PSMF1: variants seen among roughly 807,000 people sequenced by gnomAD.
PSMF1 encodes the protein proteasome inhibitor PI31 subunit.
PSMF1 carries 30 observed loss-of-function variants against 29.3 expected under a neutral mutation model. The ratio of observed to expected loss-of-function variants is 1.02; its 90% CI spans 0.77 to 1.39. The LOEUF (loss-of-function observed/expected upper bound fraction) is 1.39, where lower values mean the gene tolerates loss of function less well. Among genes scored for constraint, PSMF1 ranks in the 40% most tolerant of loss-of-function variants. The pLI, the probability that PSMF1 is intolerant of heterozygous loss-of-function variation, is 0.00. For synonymous variants in PSMF1, 134 were observed against 139.7 expected (o/e 0.96, Z 0.29); for missense variants, 344 against 357.5 (o/e 0.96, Z 0.31).
intron 4 of PSMF1, among the ~76,000 whole-genome samples, chr20:1,145,563 G>A (rs1299567784): frequency 6.6e-6 from 1 of 152,180 alleles, no homozygotes; most frequent in Non-Finnish European, 1.5e-5. Context: ...ACAGGCAGTG[G>A]AGCTAGAGCC....
chr20:1,166,922 T>C lies in PSMF1; in HGVS notation c.*1842T>C, dbSNP rs1369085586. The C allele has an allele frequency of 6.6e-6, 1 of 152,258 alleles. No homozygotes were observed. Among genetic ancestry groups the C allele is most frequent in the Non-Finnish European group, 1.5e-5 (1 of 68,050 alleles). The allele number at this position is 152,258 out of a possible 1,614,324, so 9.4% of individuals were successfully genotyped here. A position where few individuals can be genotyped will look rare whatever the true frequency, so the allele number is the denominator to read the frequency against. On this transcript the variant is annotated 3_prime_UTR_variant, in exon 7 of 7. Transcript: ENST00000335877. Reference sequence around the variant, plus strand: ...ATCAGATAGAAGCAGGGAAGGTAGATAACTTTTAGGACCTTGATGTGAGGA... The same window carrying C: ...ATCAGATAGAAGCAGGGAAGGTAGACAACTTTTAGGACCTTGATGTGAGGA...
intron 4 of PSMF1, 99 bp downstream of exon 4, chr20:1,135,405 T>C: frequency 1.6e-6 from 2 of 1,263,906 alleles, no homozygotes; most frequent in Non-Finnish European, 2.2e-6. Context: ...GGCCCGTATG[T>C]GTTTTCAACA....
Position 1,165,358 on chromosome 20 carries a change from G to A in PSMF1, c.*278G>A, listed in dbSNP as rs536463292. The A allele has an allele frequency of 3.7e-6, 5 of 1,349,100 alleles. No homozygotes were observed. The South Asian group carries it at 9.5e-5, about 26-fold the overall frequency. 83.6% of individuals were successfully genotyped at this position (1,349,100 alleles called of 1,614,324 possible). On this transcript the variant is annotated 3_prime_UTR_variant, in exon 7 of 7. Coordinates refer to ENST00000335877, the MANE Select transcript of PSMF1 (RefSeq NM_006814.5). ...CAGCTCCTCTCCACTTCCCAAGGGA[G>A]ACTCCGGCAACCTTCAGCAACATAT...
intron 2 of PSMF1, among the ~76,000 whole-genome samples, chr20:1,126,122 C>A (rs2086152639): frequency 6.6e-6 from 1 of 152,144 alleles, no homozygotes; most frequent in Non-Finnish European, 1.5e-5. Context: ...AATTTCAGTT[C>A]TGACTACCCA....
In PSMF1 at chr20:1,134,071, C is replaced by T. The variant is rs991783625; in HGVS notation, c.366-1050C>T. On this transcript the variant is annotated intron_variant, in intron 3 of 6. Transcript: ENST00000335877. ...TGAAGAATTGACTTTGTTTCATTTT[C>T]TCTCTTGTTTTTCTTTTTTATTGAC... 1.4e-5 allele frequency among the ~76,000 whole-genome samples: 2 copies of T among 147,502 alleles called. 1 individual carries two copies. Among genetic ancestry groups the T allele is most frequent in the Admixed American group, 1.4e-4 (2 of 14,478 alleles).
At chr20:1,123,643 C>T (rs1279807443) in intron 1 of PSMF1, among the ~76,000 whole-genome samples, 1 of 152,204 alleles carries the variant, frequency 6.6e-6, no homozygotes, top group Non-Finnish European at 1.5e-5. Flanking sequence ...ACTTTTGCTA[C>T]CTTAGCCAAG....
intron 4 of PSMF1, among the ~76,000 whole-genome samples, chr20:1,159,544 T>C (rs1052366845): frequency 6.6e-6 from 1 of 152,216 alleles, no homozygotes. Context: ...AAAATAGAGA[T>C]GGTTGCATAT....
rs146021324 is a variant in PSMF1, at chr20:1,170,997, C to A, written c.*5917C>A. 1.6e-4 allele frequency among the ~76,000 whole-genome samples: 24 copies of A among 152,234 alleles called. No homozygotes were observed. Among genetic ancestry groups the A allele is most frequent in the African/African-American group, 5.3e-4 (22 of 41,524 alleles). ...GCAGAACCGTGATTGGAACCCAGGT[C>A]AGTGCTCTTTTCAGTAGAACTGCTG... On this transcript the variant is annotated 3_prime_UTR_variant, in exon 7 of 7. Coordinates refer to ENST00000335877, the MANE Select transcript of PSMF1 (RefSeq NM_006814.5).
At position 1,164,565 on chromosome 20, in the gene PSMF1, C is replaced by A; in HGVS notation, c.764+89C>A. 1 of 1,525,944 alleles carries A rather than the reference C, an allele frequency of 6.6e-7. No homozygotes were observed. Among genetic ancestry groups the A allele is most frequent in the Non-Finnish European group, 9.0e-7 (1 of 1,115,644 alleles). 94.5% of individuals were successfully genotyped at this position (1,525,944 alleles called of 1,614,324 possible). On this transcript the variant is annotated intron_variant, in intron 6 of 6. Transcript: ENST00000335877. This position sits in a 1 kb window ranked among gnomAD's most constrained non-coding sequence, Gnocchi z 4.1. ...CAATGAAGGTTTCTAGCCCCAGGCA[C>A]AGAGCTGCCGCTGCCTTCACCTGTT...
intron 4 of PSMF1, among the ~76,000 whole-genome samples, chr20:1,153,837 A>C (rs2086561653): frequency 6.6e-6 from 1 of 152,192 alleles, no homozygotes; most frequent in African/African-American, 2.4e-5. Context: ...ACTCCTTTCA[A>C]TCAGTTGACC....
At chr20:1,145,806 T>C (rs544469309) in intron 4 of PSMF1, among the ~76,000 whole-genome samples, 42 of 152,306 alleles carry the variant, frequency 2.8e-4, no homozygotes, top group Middle Eastern at 3.4e-3. Context: ...AGCCAAGCAC[T>C]GGACTGCTGC....
In PSMF1 at chr20:1,165,089, A is replaced by G. The variant is rs1483095213; in HGVS notation, c.*9A>G. 1 of 1,614,014 alleles carries G rather than the reference A, an allele frequency of 6.2e-7. No homozygotes were observed. The highest frequency in any genetic ancestry group is 1.3e-5 in the African/African-American group (1 of 74,882). Reference sequence around the variant, plus strand: ...ATGACATGTACCTGTGAAGGCCTCAAGAATGTAACATCCCAGGCTTCCCTC... The same window carrying G: ...ATGACATGTACCTGTGAAGGCCTCAGGAATGTAACATCCCAGGCTTCCCTC... On this transcript the variant is annotated 3_prime_UTR_variant, in exon 7 of 7. Coordinates refer to ENST00000335877, the MANE Select transcript of PSMF1 (RefSeq NM_006814.5).
intron 4 of PSMF1, chr20:1,161,654 T>C: frequency 3.0e-6 from 2 of 677,242 alleles, no homozygotes; most frequent in Non-Finnish European, 5.5e-6. Context: ...CAAGCAGGAG[T>C]ATGACAAGTC....
At chr20:1,160,813 C>T (rs2086657712) in intron 4 of PSMF1, 1 of 445,976 alleles carries the variant, frequency 2.2e-6, no homozygotes, top group Non-Finnish European at 4.6e-6. Context: ...AGGATTTTCA[C>T]CAGCTGGGAA....
chr20:1,160,598 C>A, intron 4 of PSMF1: 2 of 493,064 alleles, frequency 4.1e-6, no homozygotes, highest in South Asian at 3.1e-5. Context: ...AAGAAGAGAT[C>A]ACCATACTCG....
At chr20:1,140,961 G>A (rs933385235) in intron 4 of PSMF1, among the ~76,000 whole-genome samples, 1 of 152,106 alleles carries the variant, frequency 6.6e-6, no homozygotes, top group African/African-American at 2.4e-5. Context: ...TTGATGAATA[G>A]CAAATATGAT....
intron 4 of PSMF1, among the ~76,000 whole-genome samples, chr20:1,155,880 T>TC (rs887884287): frequency 2.0e-5 from 3 of 152,134 alleles, no homozygotes; most frequent in African/African-American, 7.2e-5. Context: ...TGGAATAAAG[T>TC]CCAAAATTAC....
chr20:1,128,252 T>C (rs1326850883), intron 3 of PSMF1, among the ~76,000 whole-genome samples: 1 of 152,200 alleles, frequency 6.6e-6, no homozygotes, highest in Non-Finnish European at 1.5e-5. Flanking sequence ...TACAGTAGTA[T>C]GATTCTAGAC....
At chr20:1,155,876 A>G (rs2086588908) in intron 4 of PSMF1, among the ~76,000 whole-genome samples, 1 of 152,242 alleles carries the variant, frequency 6.6e-6, no homozygotes, top group Non-Finnish European at 1.5e-5. Context: ...TATCTGGAAT[A>G]AAGTCCAAAA....
Sources: gnomAD v4.1 joint callset for allele counts (sites outside exome capture counted in the v4.1 genomes callset) on GRCh38, gnomAD v4.1.1 for gene constraint, Gnocchi (gnomAD v3.1) non-coding constraint, MANE v1.5 for transcripts, NCBI Gene and HGNC (gene_info 2026-07-23, HGNC 2026-07-21) for gene names.